AHNAK2: variants seen among roughly 807,000 people sequenced by gnomAD.
The protein encoded by AHNAK2 is protein AHNAK2.
Under a neutral mutation model 30.7 loss-of-function variants are expected in AHNAK2, and 18 were observed. The ratio of observed to expected loss-of-function variants is 0.59; its 90% CI spans 0.41 to 0.87. AHNAK2 has a LOEUF of 0.87. Among genes scored for constraint, AHNAK2 ranks in the 40% least tolerant of loss-of-function variants. The pLI is 0.00. For missense variants in AHNAK2, 8,604 were observed against 7,373.0 expected (o/e 1.17, Z -6.11); for synonymous variants, 3,590 against 3,073.8 (o/e 1.17, Z -5.56).
In AHNAK2 at chr14:104,957,649, C is replaced by T. The variant is rs1477758964; in HGVS notation, c.79G>A (p.Gly27Arg). 8 of 1,610,874 alleles carry T rather than the reference C, an allele frequency of 5.0e-6. No individual in the cohort carries two copies. Among genetic ancestry groups the T allele is most frequent in the African/African-American group, 2.7e-5 (2 of 74,900 alleles). Reference sequence around the variant, plus strand: ...TCTTCCGTTTCTGCACCTGGCTCCCCGGGCTGCAGCTGACGGCCGGACACT... The same window carrying T: ...TCTTCCGTTTCTGCACCTGGCTCCCTGGGCTGCAGCTGACGGCCGGACACT... ...GSVSGRQLQP[G>R]EPGAETEDDH... The change falls in exon 2 of 7, where the codon GGG becomes AGG. Residue 27 changes from glycine to arginine, a missense_variant. By Grantham distance (125) the Gly-to-Arg change is moderately radical. Coordinates refer to ENST00000333244, the MANE Select transcript of AHNAK2 (RefSeq NM_138420.4).
At position 104,952,236 on chromosome 14, in the gene AHNAK2, G is replaced by T. The variant is rs781718028; in HGVS notation, c.3215C>A (p.Pro1072His). The change falls in exon 7 of 7, where the codon CCC (proline) becomes CAC (histidine). Residue 1072 changes from proline to histidine, a missense_variant. Coordinates refer to ENST00000333244, the MANE Select transcript of AHNAK2 (RefSeq NM_138420.4). Reference sequence around the variant, plus strand: ...GTGCCCTTTAAGGCCAGCTCCCTCGGGCAGGTGGCCCTCCGGGAGCTTCAC... The same window carrying T: ...GTGCCCTTTAAGGCCAGCTCCCTCGTGCAGGTGGCCCTCCGGGAGCTTCAC... ...VDVKLPEGHL[P>H]EGAGLKGHLP... 2.5e-6 allele frequency: 4 copies of T among 1,612,550 alleles called. No homozygotes were observed. In the Admixed American group the frequency reaches 6.7e-5, roughly 27 times the overall value.
Position 104,941,376 on chromosome 14 carries a change from TCTC to T in AHNAK2, c.14072_14074del (p.Gly4691del). The T allele has an allele frequency of 1.2e-6, 2 of 1,613,358 alleles. No homozygotes were observed. Among genetic ancestry groups the T allele is most frequent in the Non-Finnish European group, 1.7e-6 (2 of 1,179,874 alleles). On this transcript the variant is annotated inframe_deletion, in exon 7 of 7. Coordinates refer to ENST00000333244, the MANE Select transcript of AHNAK2 (RefSeq NM_138420.4). ...CTTAAACTTCGAATCCATTCCAACTTCTCCAACAGCAAGCCCCAAGTTACCATC... is the reference window on the plus strand; with the variant it reads ...CTTAAACTTCGAATCCATTCCAACTTCAACAGCAAGCCCCAAGTTACCATC...
chr14:104,954,589 T>C lies in AHNAK2; in HGVS notation c.862A>G (p.Arg288Gly), dbSNP rs1898912368. The C allele has an allele frequency of 6.2e-7, 1 of 1,609,778 alleles. No homozygotes were observed. The highest frequency in any genetic ancestry group is 8.5e-7 in the Non-Finnish European group (1 of 1,178,080). The part of the protein sequence containing the change: ...SHSSSEAYEP[R>G]DAHDVSPTST... ...GTAGGGGACACGTCATGTGCGTCCC[T>C]AGGTTCGTAGGCCTCTGACGAGCTG... is the stretch of plus-strand genomic sequence containing the variant. The change falls in exon 7 of 7, where the codon AGG becomes GGG. Residue 288 changes from arginine to glycine, a missense_variant. Transcript: ENST00000333244. The surrounding 1 kb of genome is among the most constrained non-coding windows in gnomAD (Gnocchi z 4.3).
chr14:104,944,730 G>C lies in AHNAK2; in HGVS notation c.10721C>G (p.Pro3574Arg), dbSNP rs767351036. 5.6e-6 allele frequency: 9 copies of C among 1,612,302 alleles called. No individual in the cohort carries two copies. Among genetic ancestry groups the C allele is most frequent in the Non-Finnish European group, 6.8e-6 (8 of 1,179,452 alleles). ...LKTPKVDLKG[P>R]QIDVKGPKLD... Reference sequence around the variant, plus strand: ...CTTGGGGCCCTTAACATCTATCTGGGGGCCCTTGAGGTCCACTTTGGGCGT... The same window carrying C: ...CTTGGGGCCCTTAACATCTATCTGGCGGCCCTTGAGGTCCACTTTGGGCGT... The change falls in exon 7 of 7, where the codon CCC becomes CGC. Residue 3574 changes from proline (P) to arginine (R), a missense_variant. Coordinates refer to ENST00000333244, the MANE Select transcript of AHNAK2 (RefSeq NM_138420.4).
intron 1 of AHNAK2, among the ~76,000 whole-genome samples, chr14:104,960,770 T>C (rs2140874406): frequency 6.6e-6 from 1 of 152,346 alleles, no homozygotes; most frequent in South Asian, 2.1e-4. Flanking sequence ...ACATTTACAA[T>C]GGGTGAGTTC....
chr14:104,952,624 G>T lies in AHNAK2; in HGVS notation c.2827C>A (p.Leu943Met). 3.7e-6 allele frequency: 6 copies of T among 1,612,760 alleles called. No homozygotes were observed. Among genetic ancestry groups the T allele is most frequent in the Non-Finnish European group, 5.1e-6 (6 of 1,179,632 alleles). ...TCCGCCTTGGGGCCTTTCAGGTCCA[G>T]CTTGGGGCCCTTAACATCTATCTGG... Reference protein sequence around the residue: ...GPQIDVKGPKLDLKGPKAEVT... With the variant: ...GPQIDVKGPKMDLKGPKAEVT... Residue 943 changes from leucine (L) to methionine (M), a missense_variant, in exon 7 of 7, where the codon CTG becomes ATG. By Grantham distance (15) the Leu-to-Met change is conservative. Coordinates refer to ENST00000333244, the MANE Select transcript of AHNAK2 (RefSeq NM_138420.4).
rs770183734 is a variant in AHNAK2, at chr14:104,949,685, C to G, written c.5766G>C (p.Lys1922Asn). 1 of 1,587,494 alleles carries G rather than the reference C, an allele frequency of 6.3e-7. No homozygotes were observed. The highest frequency in any genetic ancestry group is 2.2e-5 in the East Asian group (1 of 44,632). Residue 1922 changes from lysine (K) to asparagine (N), a missense_variant, in exon 7 of 7, where the codon AAG becomes AAC. Transcript: ENST00000333244. ...PSFKMPKVDL[K>N]GPQTDVKGAK... ...CGCCCTTAACATCTGTCTGGGGGCC[C>G]TTGAGGTCCACTTTGGGCATCTTGA...
At chr14:104,972,722 C>G (rs1371292199) in intron 1 of AHNAK2, among the ~76,000 whole-genome samples, 1 of 152,234 alleles carries the variant, frequency 6.6e-6, no homozygotes, top group African/African-American at 2.4e-5. Flanking sequence ...GCACCACACC[C>G]TGCCCCAGGC....
chr14:104,958,040 G>GT (rs779544903), intron 1 of AHNAK2, among the ~76,000 whole-genome samples: 83 of 152,192 alleles, frequency 5.5e-4, no homozygotes, highest in Non-Finnish European at 1.1e-3. Flanking sequence ...AAAATTACAA[G>GT]TTACGCGAAG....
At chr14:104,973,121 G>A (rs1380565133) in intron 1 of AHNAK2, among the ~76,000 whole-genome samples, 1 of 152,250 alleles carries the variant, frequency 6.6e-6, no homozygotes, top group Non-Finnish European at 1.5e-5. Context: ...CAGTGGTCAG[G>A]CAGGTGTCTG....
At chr14:104,969,589 G>A (rs1027967930) in intron 1 of AHNAK2, among the ~76,000 whole-genome samples, 4 of 152,244 alleles carry the variant, frequency 2.6e-5, no homozygotes, top group Admixed American at 2.6e-4. Flanking sequence ...GCTAGTGCAG[G>A]CAGTGCATGG....
intron 1 of AHNAK2, among the ~76,000 whole-genome samples, chr14:104,958,445 T>C (rs60172564): frequency 0.099 from 14,942 of 151,576 alleles, 1,710 homozygotes; most frequent in East Asian, 0.47. Context: ...TGAAACTCCG[T>C]CTCAAAAAGA....
intron 1 of AHNAK2, among the ~76,000 whole-genome samples, chr14:104,968,120 A>C (rs1056194491): frequency 2.6e-5 from 4 of 152,110 alleles, no homozygotes; most frequent in Non-Finnish European, 4.4e-5. Context: ...TCCTTCCCCA[A>C]TGCCCTTCCC....
Position 104,939,411 on chromosome 14 carries a change from C to T in AHNAK2, c.16040G>A (p.Trp5347Ter), listed in dbSNP as rs866588813. 1.9e-6 allele frequency: 3 copies of T among 1,613,552 alleles called. No individual in the cohort carries two copies. The African/African-American group carries it at 4.0e-5, about 22-fold the overall frequency. The stretch of plus-strand genomic sequence containing the variant: ...AAGTGGACCTTCAGGCTGGGAAGAC[C>T]ATTTCTCTGTTTTATCCTCCATGCT... ...LASMEDKTEK[W>*]SSQPEGPLKL... The change falls in exon 7 of 7, where the codon TGG (tryptophan) becomes TAG (stop). Residue 5347 changes from tryptophan (W) to a stop codon, truncating the protein, a stop_gained. Coordinates refer to ENST00000333244, the MANE Select transcript of AHNAK2 (RefSeq NM_138420.4). LOFTEE classifies it low-confidence loss of function (END_TRUNC).
chr14:104,978,180 C>A lies in AHNAK2; in HGVS notation c.55+3G>T. 8.2e-7 allele frequency: 1 copy of A among 1,212,720 alleles called. No individual in the cohort carries two copies. Among genetic ancestry groups the A allele is most frequent in the Admixed American group, 4.3e-5 (1 of 23,336 alleles). 75.1% of individuals were successfully genotyped at this position (1,212,720 alleles called of 1,614,324 possible). On this transcript the variant is annotated splice_donor_region_variant and intron_variant, in intron 1 of 6. Coordinates refer to ENST00000333244, the MANE Select transcript of AHNAK2 (RefSeq NM_138420.4). ...AGCGGGCTGCAGGCGGGGAGGGGCGCACCGCTGCCGGGGGTTCCGGGCCAG... is the reference window on the plus strand; with the variant it reads ...AGCGGGCTGCAGGCGGGGAGGGGCGAACCGCTGCCGGGGGTTCCGGGCCAG...
rs758812022 is a variant in AHNAK2, at chr14:104,943,099, C to G, written c.12352G>C (p.Asp4118His). 1 of 1,613,034 alleles carries G rather than the reference C, an allele frequency of 6.2e-7. No individual in the cohort carries two copies. Among genetic ancestry groups the G allele is most frequent in the Non-Finnish European group, 8.5e-7 (1 of 1,179,596 alleles). Residue 4118 changes from aspartate to histidine, a missense_variant, in exon 7 of 7, where the codon GAC becomes CAC. Coordinates refer to ENST00000333244, the MANE Select transcript of AHNAK2 (RefSeq NM_138420.4). ...AKLDGVQLEGDLSLADKDVTA... is the reference protein window; with the variant it reads ...AKLDGVQLEGHLSLADKDVTA... ...ACATCCTTGTCGGCCAGGGACAGGT[C>G]CCCCTCCAGCTGCACACCATCCAGC...
Position 104,949,157 on chromosome 14 carries a change from C to G in AHNAK2, c.6294G>C (p.Leu2098=). ...TTTCCACCTTGGGGTCTTTTAGGTC[C>G]AGTTTGGGGCCCTTGATGTCCACCT... The part of the protein sequence containing the change: ...GPQVDIKGPK[L]DLKDPKVEMR... The change falls in exon 7 of 7, where the codon CTG becomes CTC. Residue 2098 remains leucine, a synonymous_variant. Transcript: ENST00000333244. 9.3e-7 allele frequency: 1 copy of G among 1,071,532 alleles called. No individual in the cohort carries two copies. 66.4% of individuals were successfully genotyped at this position (1,071,532 alleles called of 1,614,324 possible). A position where few individuals can be genotyped will look rare whatever the true frequency, so the allele number is the denominator to read the frequency against.
chr14:104,942,212 G>C lies in AHNAK2; in HGVS notation c.13239C>G (p.Pro4413=). Residue 4413 remains proline (P), a synonymous_variant, in exon 7 of 7, where the codon CCC becomes CCG. Transcript: ENST00000333244. ...GGTTGGGGGACGTCACCTCCACCTT[G>C]GGGCCTTTCAGGTCCAGCTTGGGGA... ...VNVPKLDLKG[P]KVEVTSPNLD... is the part of the protein sequence containing the mutation. 1 of 1,611,726 alleles carries C rather than the reference G, an allele frequency of 6.2e-7. No individual in the cohort carries two copies. The highest frequency in any genetic ancestry group is 1.3e-5 in the African/African-American group (1 of 74,414).
rs1566909683 is a variant in AHNAK2, at chr14:104,948,420, G to A, written c.7031C>T (p.Ser2344Phe). ...CACGTCGGCCTCCACCTTCAACGCA[G>A]ACACATCCGCTGAGGCCTCGATGGA... ...GKSIEASADV[S>F]ALKVEADVSL... The change falls in exon 7 of 7, where the codon TCT becomes TTT. Residue 2344 changes from serine (S) to phenylalanine (F), a missense_variant. By Grantham distance (155) the Ser-to-Phe change is radical (BLOSUM62 -2). Transcript: ENST00000333244. The A allele has an allele frequency of 6.2e-7, 1 of 1,610,580 alleles. No individual in the cohort carries two copies. Among genetic ancestry groups the A allele is most frequent in the Admixed American group, 1.7e-5 (1 of 59,842 alleles).
Sources: gnomAD v4.1 joint callset for allele counts (sites outside exome capture counted in the v4.1 genomes callset) on GRCh38, gnomAD v4.1.1 for gene constraint, Gnocchi (gnomAD v3.1) non-coding constraint, MANE v1.5 for transcripts, NCBI Gene and HGNC (gene_info 2026-07-23, HGNC 2026-07-21) for gene names.